The following NIPBL variants were observed in gnomAD, a reference collection of about 807,000 sequenced individuals.
The protein encoded by NIPBL is NIPBL cohesin loading factor.
NIPBL carries 19 observed loss-of-function variants against 321.8 expected under a neutral mutation model. That is an observed-to-expected ratio of 0.06 (90% confidence interval 0.04 to 0.09). NIPBL has a LOEUF of 0.09. NIPBL is among the 10% of genes least tolerant of loss of function. NIPBL has a pLI of 1.00. For synonymous variants in NIPBL, 1,106 were observed against 1,114.1 expected, an observed-to-expected ratio of 0.99 and a Z score of 0.14; for missense variants, 2,210 against 3,327.0, an observed-to-expected ratio of 0.66 and a Z score of 8.26.
chr5:36,883,527 T>A (rs1042412866), intron 1 of NIPBL, among the ~76,000 whole-genome samples: 1 of 144,994 alleles, frequency 6.9e-6, no homozygotes, highest in Non-Finnish European at 1.5e-5. Context: ...CTATTCTAGA[T>A]ACATTAAAAC....
chr5:36,884,172 C>T (rs900668146), intron 1 of NIPBL, among the ~76,000 whole-genome samples: 2 of 151,900 alleles, frequency 1.3e-5, no homozygotes, highest in Non-Finnish European at 2.9e-5. Flanking sequence ...GTATCTCTTC[C>T]TTTCACTATC....
At chr5:36,902,392 T>A (rs1345921474) in intron 1 of NIPBL, among the ~76,000 whole-genome samples, 1 of 152,192 alleles carries the variant, frequency 6.6e-6, no homozygotes, top group African/African-American at 2.4e-5. Context: ...ATAGTTTAAA[T>A]TTTACATTTC....
intron 1 of NIPBL, among the ~76,000 whole-genome samples, chr5:36,938,041 T>C (rs2149579558): frequency 1.3e-5 from 2 of 152,294 alleles, no homozygotes; most frequent in African/African-American, 4.8e-5. Flanking sequence ...ATTTACCCCC[T>C]GCTCCTAAAG....
intron 40 of NIPBL, among the ~76,000 whole-genome samples, chr5:37,049,861 C>T (rs2149738714): frequency 6.6e-6 from 1 of 152,240 alleles, no homozygotes; most frequent in South Asian, 2.1e-4. Flanking sequence ...CAAGAGAGCA[C>T]CATAGGCTAC....
chr5:36,982,299 T>G (rs2149638750), intron 9 of NIPBL: 1 of 777,002 alleles, frequency 1.3e-6, no homozygotes, highest in South Asian at 5.9e-5. Context: ...TATGATGTAA[T>G]GAAGACTCAT....
intron 1 of NIPBL, among the ~76,000 whole-genome samples, chr5:36,947,739 T>C (rs1468346917): frequency 6.6e-6 from 1 of 151,914 alleles, no homozygotes; most frequent in African/African-American, 2.4e-5. Context: ...AAAGTAATAT[T>C]CTAATCATAA....
chr5:36,936,515 C>A (rs1329857485), intron 1 of NIPBL, among the ~76,000 whole-genome samples: 1 of 152,056 alleles, frequency 6.6e-6, no homozygotes, highest in African/African-American at 2.4e-5. Flanking sequence ...TAGGTACATT[C>A]TGTTATATTT....
intron 1 of NIPBL, among the ~76,000 whole-genome samples, chr5:36,943,037 T>C (rs1343698281): frequency 1.3e-5 from 2 of 152,190 alleles, no homozygotes; most frequent in South Asian, 2.1e-4. Flanking sequence ...ATAGTTGTTA[T>C]ATTGTAACTT....
intron 1 of NIPBL, among the ~76,000 whole-genome samples, chr5:36,930,816 T>A (rs182599682): frequency 6.6e-6 from 1 of 152,318 alleles, no homozygotes; most frequent in Non-Finnish European, 1.5e-5. Flanking sequence ...TAGTTGCTAT[T>A]TCTATTAATA....
In NIPBL at chr5:36,933,176, TAAA is replaced by T. The variant is rs1749911438; in HGVS notation, c.-79-20439_-79-20437del. On this transcript the variant is annotated intron_variant, in intron 1 of 46. Coordinates refer to ENST00000282516, the MANE Select transcript of NIPBL (RefSeq NM_133433.4). ...AAGTTTTTAAAAACATACTGTTTTT[TAAA>T]AATGTACTGTTTTTAAAATCCTAAT... 2.0e-5 allele frequency among the ~76,000 whole-genome samples: 3 copies of T among 152,258 alleles called. No homozygotes were observed. In the South Asian group the frequency reaches 6.2e-4, roughly 32 times the overall value.
chr5:36,969,343 A>G (rs1212452252), intron 6 of NIPBL, among the ~76,000 whole-genome samples: 1 of 152,288 alleles, frequency 6.6e-6, no homozygotes, highest in East Asian at 1.9e-4. Flanking sequence ...ACAAAATAAT[A>G]AGGAATGAAG....
intron 1 of NIPBL, among the ~76,000 whole-genome samples, chr5:36,930,314 C>T (rs1749684120): frequency 6.6e-6 from 1 of 151,884 alleles, no homozygotes; most frequent in African/African-American, 2.4e-5. Flanking sequence ...CTTCATGGTC[C>T]TAGTTTGAAT....
intron 1 of NIPBL, among the ~76,000 whole-genome samples, chr5:36,937,009 T>C (rs1333150661): frequency 5.3e-5 from 8 of 152,158 alleles, no homozygotes. Context: ...GGAGAATTTG[T>C]GATATATTAA....
chr5:36,966,597 T>C (rs1742235709), intron 6 of NIPBL, among the ~76,000 whole-genome samples: 2 of 152,114 alleles, frequency 1.3e-5, no homozygotes, highest in South Asian at 4.1e-4. Context: ...CATGTAAATA[T>C]ACAATTTCCC....
At chr5:37,043,238 T>C (rs1009180025) in intron 34 of NIPBL, among the ~76,000 whole-genome samples, 1 of 151,708 alleles carries the variant, frequency 6.6e-6, no homozygotes, top group Non-Finnish European at 1.5e-5. Flanking sequence ...TCTACAAAAA[T>C]GAAAATTAAG....
chr5:36,909,160 G>A (rs553855762), intron 1 of NIPBL, among the ~76,000 whole-genome samples: 1 of 152,250 alleles, frequency 6.6e-6, no homozygotes, highest in Admixed American at 6.5e-5. Flanking sequence ...ACTACCAGTT[G>A]CAACCCTCAG....
intron 3 of NIPBL, among the ~76,000 whole-genome samples, chr5:36,957,172 A>G (rs773101800): frequency 1.3e-5 from 2 of 152,106 alleles, no homozygotes; most frequent in Non-Finnish European, 2.9e-5. Flanking sequence ...TAATTTTATC[A>G]TCATCTCCCA....
intron 21 of NIPBL, among the ~76,000 whole-genome samples, chr5:37,014,144 C>A (rs1225838449): frequency 6.6e-6 from 1 of 152,012 alleles, no homozygotes. Flanking sequence ...TGCAGTGAGC[C>A]GAGATGGCAG....
chr5:36,970,882 T>G lies in NIPBL; in HGVS notation c.617T>G (p.Val206Gly). The G allele has an allele frequency of 1.2e-6, 2 of 1,613,246 alleles. No individual in the cohort carries two copies. The highest frequency in any genetic ancestry group is 1.7e-6 in the Non-Finnish European group (2 of 1,179,288). ...TTHPQMQQAS[V>G]SSPIVAGGLR... ...TTATTCTTATTAATTTCAGCATCGG[T>G]ATCAAGTCCCATTGTTGCAGGTGGT... Residue 206 changes from valine (V) to glycine (G), a missense_variant, in exon 7 of 47, where the codon GTA becomes GGA. Physicochemically the swap from Val to Gly is moderately radical, Grantham distance 109. Transcript: ENST00000282516.
Sources: gnomAD v4.1 joint callset for allele counts (sites outside exome capture counted in the v4.1 genomes callset) on GRCh38, gnomAD v4.1.1 for gene constraint, MANE v1.5 for transcripts, NCBI Gene and HGNC (gene_info 2026-07-23, HGNC 2026-07-21) for gene names.